RGPD2: variants seen among roughly 807,000 people sequenced by gnomAD.
RGPD2 encodes the protein RANBP2 like and GRIP domain containing 2, also known as RANBP2-like and GRIP domain-containing protein 2.
A neutral mutation model predicts 36.0 loss-of-function variants in RGPD2; 2 were observed. That is an observed-to-expected ratio of 0.06 (90% CI 0.02 to 0.17). The LOEUF is 0.17. RGPD2 is among the 10% of genes least tolerant of loss of function. The probability of loss-of-function intolerance (pLI) is 1.00; values close to 1 mark genes in which losing one functional copy is unlikely to be tolerated. For synonymous variants in RGPD2, 19 were observed against 163.8 expected, an observed-to-expected ratio of 0.12 and a Z score of 6.75; for missense variants, 40 against 464.3, an observed-to-expected ratio of 0.09 and a Z score of 8.40.
At chr2:87,860,972 T>C in the RGPD2 span, among the ~76,000 whole-genome samples, 1 of 152,068 alleles carries the variant, frequency 6.6e-6, no homozygotes, top group Non-Finnish European at 1.5e-5. Flanking sequence ...TCAGATTAGC[T>C]TTACTACTGT....
chr2:87,877,357 A>G, the RGPD2 span, among the ~76,000 whole-genome samples: 2 of 152,236 alleles, frequency 1.3e-5, no homozygotes, highest in African/African-American at 2.4e-5. Flanking sequence ...CCTTTTTCAT[A>G]TTTAGTGCTT....
chr2:87,972,024 C>A, the RGPD2 span, among the ~76,000 whole-genome samples: 1 of 150,622 alleles, frequency 6.6e-6, no homozygotes, highest in Non-Finnish European at 1.5e-5. Flanking sequence ...AAAACATAAA[C>A]CAGAACATAG....
the RGPD2 span, among the ~76,000 whole-genome samples, chr2:87,864,176 A>G: frequency 6.6e-6 from 1 of 152,038 alleles, no homozygotes; most frequent in Non-Finnish European, 1.5e-5. Context: ...TGGTGAACTG[A>G]GTAAATGTAA....
the RGPD2 span, among the ~76,000 whole-genome samples, chr2:87,873,004 C>T: frequency 1.3e-5 from 2 of 152,286 alleles, no homozygotes; most frequent in Admixed American, 6.5e-5. Context: ...ATGATCCACC[C>T]TCTTCAGCTT....
Position 87,825,667 on chromosome 2 carries a change from C to A in RGPD2, c.63G>T (p.Ser21=), listed in dbSNP as rs1476815275. The A allele has an allele frequency of 6.9e-6, 11 of 1,585,828 alleles. No homozygotes were observed. Among genetic ancestry groups the A allele is most frequent in the African/African-American group, 2.7e-5 (2 of 74,210 alleles). The change falls in exon 1 of 23, where the codon TCG becomes TCT. Residue 21 remains serine, a synonymous_variant. Transcript: ENST00000398146. ...TTCGAGATCCACTCACCTTTCCAGG[C>A]GACGGGGCGGAGCCCTGCACCGAGG... is the stretch of plus-strand genomic sequence containing the variant. ...YLASVQGSAP[S]PGKKLRGFYF...
the RGPD2 span, among the ~76,000 whole-genome samples, chr2:87,939,409 G>C: frequency 6.6e-6 from 1 of 152,010 alleles, no homozygotes; most frequent in African/African-American, 2.4e-5. Context: ...TTTCTGAAGT[G>C]TCTTATTGTT....
chr2:87,932,927 C>A, the RGPD2 span, among the ~76,000 whole-genome samples: 1 of 138,184 alleles, frequency 7.2e-6, no homozygotes, highest in Non-Finnish European at 1.6e-5. Flanking sequence ...GGTTATGTGT[C>A]TTGGTGATGA....
chr2:87,837,116 CA>C, the RGPD2 span, among the ~76,000 whole-genome samples: 1 of 151,646 alleles, frequency 6.6e-6, no homozygotes, highest in East Asian at 2.0e-4. Context: ...CAGATAACCA[CA>C]CGGTAAAACT....
In RGPD2 at chr2:87,763,259, G is replaced by A. The variant is rs1194445750; in HGVS notation, c.5237-5833C>T. ...TGCAAGCTCCGCCTCCCGGGTTCGCGCCATTCTCCTGCCTCAGCCTCCCTA... is the reference window on the plus strand; with the variant it reads ...TGCAAGCTCCGCCTCCCGGGTTCGCACCATTCTCCTGCCTCAGCCTCCCTA... On this transcript the variant is annotated intron_variant, in intron 22 of 22. Transcript: ENST00000398146. Among the ~76,000 whole-genome samples the A allele has an allele frequency of 9.2e-4, 136 of 147,204 alleles. 2 individuals are homozygous for A. In the South Asian group the frequency reaches 0.011, roughly 12 times the overall value.
chr2:87,859,724 CT>C, the RGPD2 span, among the ~76,000 whole-genome samples: 1 of 151,866 alleles, frequency 6.6e-6, no homozygotes, highest in African/African-American at 2.4e-5. Flanking sequence ...TAATGGGCAT[CT>C]TTCATTACTC....
At chr2:87,805,725 T>C (rs1228488860) in intron 7 of RGPD2, among the ~76,000 whole-genome samples, 1 of 150,552 alleles carries the variant, frequency 6.6e-6, no homozygotes, top group African/African-American at 2.4e-5. Flanking sequence ...CCAGGCATGG[T>C]GGTGGGCGCT....
At chr2:87,971,997 A>C in the RGPD2 span, among the ~76,000 whole-genome samples, 1 of 149,286 alleles carries the variant, frequency 6.7e-6, no homozygotes, top group Non-Finnish European at 1.5e-5. Context: ...GTCCTCAGAA[A>C]GCTCAACTGT....
At chr2:87,868,814 CT>C in the RGPD2 span, among the ~76,000 whole-genome samples, 3 of 151,962 alleles carry the variant, frequency 2.0e-5, no homozygotes, top group Admixed American at 2.0e-4. Context: ...GAGTCTTTAC[CT>C]TATCATCCTA....
chr2:87,825,520 C>CG lies in RGPD2; in HGVS notation c.72+137_72+138insC, dbSNP rs1686730313. The CG allele has an allele frequency of 1.3e-5, 6 of 469,448 alleles. No individual in the cohort carries two copies. The African/African-American group carries it at 2.2e-4, about 17-fold the overall frequency. The allele number at this position is 469,448 out of a possible 1,614,324, so 29.1% of individuals were successfully genotyped here. ...GCCGAGGCCGAGGCCGAGGCCGCCG[C>CG]CCGGCCGAGGCCGAGGCCGAGGCCG... is the stretch of plus-strand genomic sequence containing the variant. On this transcript the variant is annotated intron_variant, in intron 1 of 22. Coordinates refer to ENST00000398146, the MANE Select transcript of RGPD2 (RefSeq NM_001078170.3).
At chr2:87,920,882 C>T in the RGPD2 span, among the ~76,000 whole-genome samples, 1 of 105,092 alleles carries the variant, frequency 9.5e-6, no homozygotes, top group South Asian at 2.7e-4. Flanking sequence ...CTCCTTAAAC[C>T]TAGAATTTCC....
chr2:87,927,746 A>G, the RGPD2 span, among the ~76,000 whole-genome samples: 1 of 151,586 alleles, frequency 6.6e-6, no homozygotes, highest in Admixed American at 6.6e-5. Context: ...ATAGTTTAAA[A>G]GGGTCATTTA....
At chr2:87,865,353 C>G in the RGPD2 span, among the ~76,000 whole-genome samples, 1 of 151,324 alleles carries the variant, frequency 6.6e-6, no homozygotes, top group Non-Finnish European at 1.5e-5. Flanking sequence ...GGACTGTTCA[C>G]TTTAATCTTA....
At chr2:87,762,462 AC>A (rs1684916831) in intron 22 of RGPD2, among the ~76,000 whole-genome samples, 1 of 132,898 alleles carries the variant, frequency 7.5e-6, no homozygotes, top group Non-Finnish European at 1.5e-5. Flanking sequence ...AATCGCTTGA[AC>A]CTCGGAAGTG....
chr2:87,961,620 T>G, the RGPD2 span, among the ~76,000 whole-genome samples: 1 of 143,608 alleles, frequency 7.0e-6, no homozygotes, highest in Middle Eastern at 3.6e-3. Context: ...GAGAATCGCT[T>G]GAAACTGAGA....
Sources: allele counts gnomAD v4.1 joint callset (sites outside exome capture counted in the v4.1 genomes callset), GRCh38; gene constraint gnomAD v4.1.1; transcripts MANE v1.5; gene names NCBI Gene and HGNC (gene_info 2026-07-23, HGNC 2026-07-21).